CPM: variants seen among roughly 807,000 people sequenced by gnomAD.
The protein encoded by CPM is carboxypeptidase M.
A neutral mutation model predicts 46.4 loss-of-function variants in CPM; 35 were observed. The ratio of observed to expected loss-of-function variants is 0.75; its 90% CI spans 0.58 to 1.00. The LOEUF (loss-of-function observed/expected upper bound fraction) is 1.00, where lower values mean the gene tolerates loss of function less well. Ranked by LOEUF, CPM falls within the 50% of genes least tolerant of loss-of-function variation. CPM has a pLI of 0.00. For missense variants in CPM, 422 were observed against 530.4 expected (o/e 0.80, Z 2.01); for synonymous variants, 195 against 195.3 (o/e 1.00, Z 0.01).
intron 2 of CPM, among the ~76,000 whole-genome samples, chr12:68,903,509 A>G (rs1419388217): frequency 6.6e-6 from 1 of 152,214 alleles, no homozygotes; most frequent in African/African-American, 2.4e-5. Flanking sequence ...TGCATCTCAG[A>G]TCAGCTCCTA....
chr12:68,931,744 CAAAA>C (rs1230893187), intron 2 of CPM, among the ~76,000 whole-genome samples: 17 of 36,202 alleles, frequency 4.7e-4, no homozygotes, highest in Admixed American at 9.4e-4. Context: ...AGACTCTGAC[CAAAA>C]AAAAAAAAAA....
At chr12:68,958,376 G>A (rs921320557) in intron 1 of CPM, among the ~76,000 whole-genome samples, 3 of 152,070 alleles carry the variant, frequency 2.0e-5, no homozygotes, top group Non-Finnish European at 4.4e-5. Flanking sequence ...TTAAAAAGGG[G>A]ATTTTTAAAT....
intron 2 of CPM, among the ~76,000 whole-genome samples, chr12:68,926,117 C>T (rs992237472): frequency 6.6e-6 from 1 of 152,076 alleles, no homozygotes; most frequent in Non-Finnish European, 1.5e-5. Flanking sequence ...GGGGTTTTGC[C>T]ATGTTGCCCC....
rs538194818 is a variant in CPM at position 68,875,677 on chromosome 12, G to A, written c.259-3721C>T. Among the ~76,000 whole-genome samples the A allele has an allele frequency of 8.1e-4, 123 of 151,232 alleles. No individual in the cohort carries two copies. In the Middle Eastern group the frequency reaches 0.014, roughly 17 times the overall value. On this transcript the variant is annotated intron_variant, in intron 3 of 8. Coordinates refer to ENST00000551568, the MANE Select transcript of CPM (RefSeq NM_198320.5). ...AAAAATTAGCCAGGTGTAGTGGCAG[G>A]TGCCTGTAATCCCAGCTACTCGGGA...
At chr12:68,862,409 A>G (rs372022392) in intron 7 of CPM, among the ~76,000 whole-genome samples, 2 of 138,558 alleles carry the variant, frequency 1.4e-5, no homozygotes, top group East Asian at 1.9e-4. Flanking sequence ...TAATTTTTGT[A>G]TTTTTAGTAG....
intron 2 of CPM, among the ~76,000 whole-genome samples, chr12:68,930,779 A>G (rs144737477): frequency 1.1e-4 from 17 of 152,346 alleles, no homozygotes; most frequent in African/African-American, 4.1e-4. Context: ...ATAGATCACA[A>G]CTGCTGATTC....
In CPM at chr12:68,851,989, GCT is replaced by G. The variant is rs1293796124; in HGVS notation, c.*4446_*4447del. 2 of 152,188 alleles carry G rather than the reference GCT, an allele frequency of 1.3e-5. No homozygotes were observed. The highest frequency in any genetic ancestry group is 4.8e-5 in the African/African-American group (2 of 41,440). 9.4% of individuals were successfully genotyped at this position (152,188 alleles called of 1,614,324 possible). A position where few individuals can be genotyped will look rare whatever the true frequency, so the allele number is the denominator to read the frequency against. ...CTTATCTATTGCAGTAAGACAATAT[GCT>G]ATGCTTATCTTTCTGGATTCCCCAG... On this transcript the variant is annotated 3_prime_UTR_variant, in exon 9 of 9. Coordinates refer to ENST00000551568, the MANE Select transcript of CPM (RefSeq NM_198320.5).
chr12:68,951,417 A>G (rs1279277259), intron 1 of CPM, among the ~76,000 whole-genome samples: 1 of 152,096 alleles, frequency 6.6e-6, no homozygotes, highest in East Asian at 1.9e-4. Context: ...GTATTCCTAC[A>G]AGGAAAAGAA....
At chr12:68,889,631 C>A (rs1206810813) in intron 2 of CPM, among the ~76,000 whole-genome samples, 1 of 152,148 alleles carries the variant, frequency 6.6e-6, no homozygotes, top group East Asian at 1.9e-4. Flanking sequence ...GAGTTTGAGA[C>A]CAGCTTGGGC....
chr12:68,917,231 C>T (rs1413821756), intron 2 of CPM, among the ~76,000 whole-genome samples: 2 of 148,330 alleles, frequency 1.3e-5, no homozygotes, highest in East Asian at 2.0e-4. Flanking sequence ...ATCTCTTATC[C>T]TTCAGGTCTC....
chr12:68,895,205 A>G (rs1886821146), intron 2 of CPM, among the ~76,000 whole-genome samples: 1 of 152,082 alleles, frequency 6.6e-6, no homozygotes, highest in Non-Finnish European at 1.5e-5. Flanking sequence ...TTGGTTGCCC[A>G]ACATCTGGTG....
intron 3 of CPM, among the ~76,000 whole-genome samples, chr12:68,879,953 T>G (rs1338104481): frequency 6.6e-6 from 1 of 152,028 alleles, no homozygotes; most frequent in Non-Finnish European, 1.5e-5. Context: ...GAGTATTGGT[T>G]ATAGTTTACT....
At chr12:68,959,034 T>C (rs1331081418) in intron 1 of CPM, among the ~76,000 whole-genome samples, 1 of 152,210 alleles carries the variant, frequency 6.6e-6, no homozygotes, top group Non-Finnish European at 1.5e-5. Context: ...AGCCCCCAGT[T>C]CCTGCACCCC....
At chr12:68,864,965 T>C (rs1885371731) in intron 7 of CPM, among the ~76,000 whole-genome samples, 1 of 152,176 alleles carries the variant, frequency 6.6e-6, no homozygotes, top group Admixed American at 6.5e-5. Flanking sequence ...CAGTGGGCAA[T>C]GACTGTGCCA....
chr12:68,914,625 T>C (rs996132928), intron 2 of CPM, among the ~76,000 whole-genome samples: 1 of 152,264 alleles, frequency 6.6e-6, no homozygotes, highest in African/African-American at 2.4e-5. Context: ...CAGTTTTCTT[T>C]ACATTCTGAA....
chr12:68,878,529 A>T (rs147849343), intron 3 of CPM, among the ~76,000 whole-genome samples: 1 of 152,152 alleles, frequency 6.6e-6, no homozygotes, highest in Non-Finnish European at 1.5e-5. Context: ...GACTCAGCAC[A>T]AGAGGACAGC....
In CPM at chr12:68,870,488, G is replaced by A. The variant is rs148803092; in HGVS notation, c.432-89C>T. 325 of 1,200,148 alleles carry A rather than the reference G, an allele frequency of 2.7e-4. No individual in the cohort carries two copies. In the African/African-American group the frequency reaches 4.3e-3, roughly 16 times the overall value. The allele number at this position is 1,200,148 out of a possible 1,614,324, so 74.3% of individuals were successfully genotyped here. On this transcript the variant is annotated intron_variant, in intron 4 of 8. Coordinates refer to ENST00000551568, the MANE Select transcript of CPM (RefSeq NM_198320.5). ...TCTTGCCCTTTGGTTTAGGCTCCAG[G>A]TGTCTTTCCAAACGTGAGTATGGGT... is the stretch of plus-strand genomic sequence containing the variant.
At chr12:68,893,469 T>C (rs1383090241) in intron 2 of CPM, among the ~76,000 whole-genome samples, 1 of 152,214 alleles carries the variant, frequency 6.6e-6, no homozygotes, top group Non-Finnish European at 1.5e-5. Flanking sequence ...ACTTTGTTTA[T>C]GGACAGGGGA....
At chr12:68,911,015 T>C (rs895108549) in intron 2 of CPM, among the ~76,000 whole-genome samples, 8 of 152,174 alleles carry the variant, frequency 5.3e-5, no homozygotes, top group African/African-American at 1.9e-4. Flanking sequence ...CATTGTCGAG[T>C]ATATAACTAT....
Sources: gnomAD v4.1 joint callset for allele counts (sites outside exome capture counted in the v4.1 genomes callset) on GRCh38, gnomAD v4.1.1 for gene constraint, MANE v1.5 for transcripts, NCBI Gene and HGNC (gene_info 2026-07-23, HGNC 2026-07-21) for gene names.